Variants in NUP210L observed in about 807,000 individuals in gnomAD.
NUP210L encodes nuclear pore membrane glycoprotein 210-like.
NUP210L carries 74 observed loss-of-function variants against 208.5 expected under a neutral mutation model. The observed-to-expected ratio is 0.35, with a 90% CI of 0.29 to 0.43. NUP210L has a LOEUF of 0.43. Among genes scored for constraint, NUP210L ranks in the 20% least tolerant of loss-of-function variants. The pLI is 1.00. For missense variants in NUP210L, 1,843 were observed against 2,289.4 expected (o/e 0.81, Z 3.98); for synonymous variants, 780 against 816.9 (o/e 0.95, Z 0.77).
At chr1:154,083,307 T>C (rs1381209186) in intron 16 of NUP210L, among the ~76,000 whole-genome samples, 1 of 152,108 alleles carries the variant, frequency 6.6e-6, no homozygotes, top group Non-Finnish European at 1.5e-5. Flanking sequence ...AAAGCGCTGA[T>C]TGGTGTGTTT....
chr1:154,055,164 T>TTTCTTTCTTTC (rs1653778579), intron 23 of NUP210L, among the ~76,000 whole-genome samples: 5 of 123,880 alleles, frequency 4.0e-5, no homozygotes, highest in African/African-American at 1.5e-4. Flanking sequence ...TCTTTCTTTC[T>TTTCTTTCTTTC]TTCTTTCTTT....
At chr1:154,122,294 T>G (rs1334707405) in intron 10 of NUP210L, among the ~76,000 whole-genome samples, 1 of 152,190 alleles carries the variant, frequency 6.6e-6, no homozygotes, top group Admixed American at 6.6e-5. Flanking sequence ...CATACACTGA[T>G]CATTAGGAAA....
chr1:154,068,588 G>A (rs1460261187), intron 17 of NUP210L, among the ~76,000 whole-genome samples: 1 of 152,164 alleles, frequency 6.6e-6, no homozygotes, highest in Non-Finnish European at 1.5e-5. Flanking sequence ...GCTGAGGCAG[G>A]AGAATGGCGT....
At chr1:154,140,073 G>A (rs1242016440) in intron 4 of NUP210L, 121 bp from the exon 5 acceptor site, 2 of 756,884 alleles carry the variant, frequency 2.6e-6, no homozygotes, top group African/African-American at 3.5e-5. Context: ...ACTTTTGACT[G>A]GGCATGGTAG....
chr1:154,108,217 G>A (rs1166174463), intron 12 of NUP210L, among the ~76,000 whole-genome samples: 2 of 152,120 alleles, frequency 1.3e-5, no homozygotes, highest in African/African-American at 4.8e-5. Context: ...GAGTGCAGTG[G>A]CATAATCTCA....
chr1:154,084,213 ATTT>A (rs757068435), intron 16 of NUP210L, among the ~76,000 whole-genome samples: 3 of 124,792 alleles, frequency 2.4e-5, no homozygotes, highest in Non-Finnish European at 1.8e-5. Context: ...CTAATTTTTA[ATTT>A]TTTTTTTTTT....
chr1:154,030,088 A>C, intron 27 of NUP210L, 34 bp from the exon 28 acceptor site: 1 of 1,413,912 alleles, frequency 7.1e-7, no homozygotes, highest in Middle Eastern at 1.8e-4. Flanking sequence ...AGAAATATTC[A>C]TCAATAAACA....
chr1:154,138,183 G>A, exon 6 of NUP210L: 1 of 1,541,740 alleles, frequency 6.5e-7, no homozygotes, highest in Admixed American at 2.5e-5. Context: ...ATCATGGGAT[G>A]GTATAAGAAA....
At chr1:154,055,904 G>A (rs1054778732) in intron 23 of NUP210L, among the ~76,000 whole-genome samples, 2 of 152,004 alleles carry the variant, frequency 1.3e-5, no homozygotes, top group African/African-American at 4.8e-5. Flanking sequence ...TATAAAAGTA[G>A]AACAGCTGGG....
At chr1:154,018,125 C>G (rs1457848827) in intron 33 of NUP210L, among the ~76,000 whole-genome samples, 4 of 151,954 alleles carry the variant, frequency 2.6e-5, no homozygotes, top group African/African-American at 9.7e-5. Context: ...ATGTGAGCCA[C>G]CAGGCCCGGC....
At chr1:154,018,781 G>T in intron 33 of NUP210L, 152 bp downstream of exon 33, 1 of 810,876 alleles carries the variant, frequency 1.2e-6, no homozygotes, top group Non-Finnish European at 1.9e-6. Context: ...CCTGAACACT[G>T]TTTAGCTTTG....
At chr1:154,085,988 G>A (rs1655603900) in intron 16 of NUP210L, among the ~76,000 whole-genome samples, 1 of 151,954 alleles carries the variant, frequency 6.6e-6, no homozygotes, top group African/African-American at 2.4e-5. Context: ...AAGGCGGGCA[G>A]ATCATTTGAG....
intron 16 of NUP210L, among the ~76,000 whole-genome samples, chr1:154,072,589 C>T (rs984635763): frequency 1.3e-5 from 2 of 152,072 alleles, no homozygotes; most frequent in Non-Finnish European, 2.9e-5. Flanking sequence ...GCCTTGACCT[C>T]CCAAAGTGTT....
At chr1:154,130,222 T>C (rs1658173652) in intron 7 of NUP210L, among the ~76,000 whole-genome samples, 1 of 151,896 alleles carries the variant, frequency 6.6e-6, no homozygotes, top group Non-Finnish European at 1.5e-5. Context: ...ACCCGTAATC[T>C]CAGCTACTCA....
intron 12 of NUP210L, among the ~76,000 whole-genome samples, chr1:154,111,145 G>A (rs1437258019): frequency 2.6e-5 from 4 of 151,324 alleles, no homozygotes; most frequent in Non-Finnish European, 5.9e-5. Flanking sequence ...CACTTTGGGA[G>A]GCCAAGGCCG....
rs552671140 is a variant in NUP210L at position 154,145,688 on chromosome 1, G to T, written c.341-2111C>A. Among the ~76,000 whole-genome samples the T allele has an allele frequency of 2.0e-5, 3 of 152,292 alleles. No homozygotes were observed. The East Asian group carries it at 5.8e-4, about 29-fold the overall frequency. On this transcript the variant is annotated intron_variant, in intron 2 of 39. Coordinates refer to ENST00000368559, the Ensembl canonical transcript of NUP210L. Reference sequence around the variant, plus strand: ...AGAGAAAGAAGTTACAATAAGCAAGGTGGGAAGGCTAGAATAAACCCTAAG... The same window carrying T: ...AGAGAAAGAAGTTACAATAAGCAAGTTGGGAAGGCTAGAATAAACCCTAAG...
chr1:154,121,354 C>G (rs902224374), intron 10 of NUP210L, among the ~76,000 whole-genome samples: 1 of 151,988 alleles, frequency 6.6e-6, no homozygotes, highest in Non-Finnish European at 1.5e-5. Flanking sequence ...ATCAGGGAAC[C>G]CAGAACGAAT....
At chr1:154,037,756 C>T (rs1035377389) in intron 27 of NUP210L, among the ~76,000 whole-genome samples, 4 of 152,048 alleles carry the variant, frequency 2.6e-5, no homozygotes, top group Non-Finnish European at 5.9e-5. Context: ...GCAGCCTCCA[C>T]CTCCTGGGTT....
intron 15 of NUP210L, among the ~76,000 whole-genome samples, chr1:154,090,372 A>T (rs371132040): frequency 2.0e-5 from 3 of 152,246 alleles, no homozygotes; most frequent in African/African-American, 7.2e-5. Flanking sequence ...ACAAAAAGAA[A>T]TTAGGAAACT....
Sources: allele counts gnomAD v4.1 joint callset (sites outside exome capture counted in the v4.1 genomes callset), GRCh38; gene constraint gnomAD v4.1.1; transcripts MANE v1.5; gene names NCBI Gene and HGNC (gene_info 2026-07-23, HGNC 2026-07-21).